Variants in SLC14A2 observed in about 807,000 individuals in gnomAD.
The protein encoded by SLC14A2 is urea transporter 2.
SLC14A2 carries 91 observed loss-of-function variants against 104.6 expected under a neutral mutation model. The observed-to-expected ratio is 0.87, with a 90% CI of 0.73 to 1.04. The LOEUF is 1.04. Among genes scored for constraint, SLC14A2 ranks in the 50% least tolerant of loss-of-function variants. The pLI, the probability that SLC14A2 is intolerant of heterozygous loss-of-function variation, is 0.00. For synonymous variants in SLC14A2, 476 were observed against 466.4 expected (o/e 1.02, Z -0.27); for missense variants, 1,189 against 1,156.0 (o/e 1.03, Z -0.41).
At chr18:45,662,463 CA>C (rs914154471) in intron 10 of SLC14A2, among the ~76,000 whole-genome samples, 3 of 152,190 alleles carry the variant, frequency 2.0e-5, no homozygotes, top group African/African-American at 7.2e-5. Flanking sequence ...GCACACGAAT[CA>C]GCTGGAGATC....
chr18:45,304,600 G>A (rs564499933), intron 1 of SLC14A2, among the ~76,000 whole-genome samples: 81 of 152,330 alleles, frequency 5.3e-4, no homozygotes, highest in African/African-American at 1.8e-3. Context: ...GCAAAGCCCA[G>A]GTGAAGGGTG....
At chr18:45,173,347 A>G in the SLC14A2 span, among the ~76,000 whole-genome samples, 3 of 152,170 alleles carry the variant, frequency 2.0e-5, no homozygotes, top group Admixed American at 6.6e-5. Context: ...AGGATGCCTA[A>G]TCATAGTACT....
chr18:45,280,149 TC>T (rs1248883604), intron 1 of SLC14A2, among the ~76,000 whole-genome samples: 1 of 152,184 alleles, frequency 6.6e-6, no homozygotes, highest in Admixed American at 6.5e-5. Context: ...AAAACCTTGT[TC>T]CAGAGCACAC....
chr18:45,400,917 T>C (rs1325413671), intron 1 of SLC14A2, among the ~76,000 whole-genome samples: 1 of 152,244 alleles, frequency 6.6e-6, no homozygotes, highest in African/African-American at 2.4e-5. Flanking sequence ...CTTCCTCCTG[T>C]GTCCTTTTCA....
chr18:45,245,775 A>G (rs1434467152), intron 1 of SLC14A2, among the ~76,000 whole-genome samples: 1 of 152,216 alleles, frequency 6.6e-6, no homozygotes, highest in Non-Finnish European at 1.5e-5. Flanking sequence ...TCACTCAGTC[A>G]CCAATCATCC....
intron 16 of SLC14A2, among the ~76,000 whole-genome samples, chr18:45,672,529 C>CAA (rs34358333): frequency 1.8e-3 from 227 of 128,704 alleles, no homozygotes; most frequent in African/African-American, 6.0e-3. Flanking sequence ...AACTCCATCT[C>CAA]AAAAAAAAAA....
intron 2 of SLC14A2, among the ~76,000 whole-genome samples, chr18:45,558,993 G>A (rs2044169400): frequency 6.6e-6 from 1 of 152,082 alleles, no homozygotes; most frequent in African/African-American, 2.4e-5. Context: ...GTTTCACCAT[G>A]TTGGCCAGGT....
At chr18:45,228,735 C>T (rs2084144529) in intron 1 of SLC14A2, among the ~76,000 whole-genome samples, 2 of 152,162 alleles carry the variant, frequency 1.3e-5, no homozygotes, top group Non-Finnish European at 2.9e-5. Flanking sequence ...TCACCCTCAT[C>T]ATATCCTGAT....
At chr18:45,577,816 C>G (rs1054592512) in intron 2 of SLC14A2, among the ~76,000 whole-genome samples, 2 of 152,186 alleles carry the variant, frequency 1.3e-5, no homozygotes, top group African/African-American at 4.8e-5. Context: ...AAGGAGAAAA[C>G]TAGCTCTGCC....
At chr18:45,536,860 G>T (rs936635408) in intron 2 of SLC14A2, among the ~76,000 whole-genome samples, 1 of 152,204 alleles carries the variant, frequency 6.6e-6, no homozygotes, top group African/African-American at 2.4e-5. Flanking sequence ...ATTCCCTGAA[G>T]CTGGTCTCAG....
At chr18:45,550,724 T>C (rs1293702541) in intron 2 of SLC14A2, among the ~76,000 whole-genome samples, 1 of 152,164 alleles carries the variant, frequency 6.6e-6, no homozygotes, top group South Asian at 2.1e-4. Flanking sequence ...ATCTGAGCTG[T>C]TTAAGGCTGG....
intron 2 of SLC14A2, among the ~76,000 whole-genome samples, chr18:45,530,991 T>A (rs2144831595): frequency 6.6e-6 from 1 of 152,274 alleles, no homozygotes; most frequent in African/African-American, 2.4e-5. Flanking sequence ...AGAATGATGG[T>A]TTCTAGCTTC....
At chr18:45,459,267 C>T (rs1418681250) in intron 1 of SLC14A2, among the ~76,000 whole-genome samples, 1 of 152,176 alleles carries the variant, frequency 6.6e-6, no homozygotes, top group African/African-American at 2.4e-5. Context: ...CTTGTCAGCC[C>T]CAAAGCAAGA....
intron 1 of SLC14A2, among the ~76,000 whole-genome samples, chr18:45,224,762 A>G (rs1407615772): frequency 6.6e-6 from 1 of 152,222 alleles, no homozygotes; most frequent in African/African-American, 2.4e-5. Context: ...TCATACAGCT[A>G]GTAAGTGACA....
chr18:45,423,078 G>A (rs1432764728), intron 1 of SLC14A2, among the ~76,000 whole-genome samples: 1 of 151,984 alleles, frequency 6.6e-6, no homozygotes, highest in African/African-American at 2.4e-5. Context: ...TTTGCCATTG[G>A]GAAAAACAGT....
At chr18:45,461,684 G>A (rs1222061989) in intron 1 of SLC14A2, among the ~76,000 whole-genome samples, 1 of 152,096 alleles carries the variant, frequency 6.6e-6, no homozygotes, top group South Asian at 2.1e-4. Flanking sequence ...GACATGAAGG[G>A]CAACAAAAAG....
chr18:45,300,130 G>GA (rs1283228756), intron 1 of SLC14A2, among the ~76,000 whole-genome samples: 1 of 151,908 alleles, frequency 6.6e-6, no homozygotes, highest in East Asian at 1.9e-4. Flanking sequence ...CACGAGAAAG[G>GA]AAAAAAACAA....
At chr18:45,469,024 T>C (rs748167026) in intron 1 of SLC14A2, among the ~76,000 whole-genome samples, 4 of 151,970 alleles carry the variant, frequency 2.6e-5, no homozygotes, top group Non-Finnish European at 5.9e-5. Context: ...GGGCAGAGAT[T>C]TGTGGCCTGA....
At chr18:45,425,685 C>G (rs922079346) in intron 1 of SLC14A2, among the ~76,000 whole-genome samples, 1 of 152,156 alleles carries the variant, frequency 6.6e-6, no homozygotes, top group Non-Finnish European at 1.5e-5. Flanking sequence ...TAAATATCTT[C>G]TAGTAACGTG....
Sources: gnomAD v4.1 joint callset for allele counts (sites outside exome capture counted in the v4.1 genomes callset) on GRCh38, gnomAD v4.1.1 for gene constraint, MANE v1.5 for transcripts, NCBI Gene and HGNC (gene_info 2026-07-23, HGNC 2026-07-21) for gene names.